The following IL12RB1 variants were observed in gnomAD, a reference collection of about 807,000 sequenced individuals.
IL12RB1 encodes interleukin-12 receptor subunit beta-1.
In IL12RB1, 64 loss-of-function variants were observed where a neutral mutation model predicts 94.4. That is an observed-to-expected ratio of 0.68 (90% CI 0.55 to 0.83). IL12RB1 has a LOEUF of 0.83. Among genes scored for constraint, IL12RB1 ranks in the 40% least tolerant of loss-of-function variants. The pLI, the probability that IL12RB1 is intolerant of heterozygous loss-of-function variation, is 0.00. For synonymous variants in IL12RB1, 362 were observed against 355.5 expected (o/e 1.02, Z -0.21); for missense variants, 814 against 855.6 (o/e 0.95, Z 0.61).
At chr19:18,062,361 T>C in intron 13 of IL12RB1, 84 bp from the exon 14 acceptor site, 1 of 791,934 alleles carries the variant, frequency 1.3e-6, no homozygotes, top group Non-Finnish European at 2.1e-6. Flanking sequence ...GGTTTCTCCA[T>C]GAACTTGCTG....
upstream of IL12RB1, chr19:18,086,953 A>C (rs1404324800): frequency 1.9e-6 from 3 of 1,543,262 alleles, no homozygotes; most frequent in African/African-American, 2.7e-5. Flanking sequence ...AGAAAAAAGA[A>C]AAAAAGTAAA....
intron 1 of IL12RB1, among the ~76,000 whole-genome samples, chr19:18,085,260 A>T (rs2036249339): frequency 6.6e-6 from 1 of 152,042 alleles, no homozygotes; most frequent in Non-Finnish European, 1.5e-5. Flanking sequence ...CAAGTGTCCA[A>T]CCTTGAGGGG....
chr19:18,080,851 G>A lies in IL12RB1; in HGVS notation c.390C>T (p.Thr130=), dbSNP rs201723337. The change falls in exon 4 of 17, where the codon ACC becomes ACT. Residue 130 remains threonine (T), a synonymous_variant. Transcript: ENST00000593993. The part of the protein sequence containing the change: ...RNQTEKSPEV[T]LQLYNSVKYE... ...GCTAACCTGAGTTGTAGAGCTGCAG[G>A]GTCACCTCAGGAGACTTCTCTGTCT... The A allele has an allele frequency of 4.4e-4, 715 of 1,609,316 alleles. 1 individual carries two copies. The highest frequency in any genetic ancestry group is 5.9e-4 in the Non-Finnish European group (692 of 1,175,766).
At chr19:18,074,023 C>T (rs915768886) in intron 7 of IL12RB1, among the ~76,000 whole-genome samples, 6 of 152,162 alleles carry the variant, frequency 3.9e-5, no homozygotes, top group African/African-American at 1.4e-4. Context: ...CGGGGTTTCA[C>T]CATGTTGGTC....
Position 18,063,900 on chromosome 19 carries a change from T to A in IL12RB1, c.1594A>T (p.Ser532Cys), listed in dbSNP as rs771540567. The stretch of plus-strand genomic sequence containing the variant: ...CCGATGCTGAAGCGCTGGGGCTGGC[T>A]CCAGACACCCCTCAGCCACGCTGTG... ...ADTAWLRGVW[S>C]QPQRFSIEVQ... The change falls in exon 13 of 17, where the codon AGC becomes TGC. Residue 532 changes from serine (S) to cysteine (C), a missense_variant. Ser to Cys is a moderately radical substitution (Grantham distance 112). Coordinates refer to ENST00000593993, the MANE Select transcript of IL12RB1 (RefSeq NM_005535.3). 2.5e-6 allele frequency: 4 copies of A among 1,613,414 alleles called. No homozygotes were observed. In the South Asian group the frequency reaches 4.4e-5, roughly 18 times the overall value.
intron 12 of IL12RB1, 122 bp downstream of exon 12, chr19:18,066,420 T>A: frequency 1.4e-6 from 1 of 701,104 alleles, no homozygotes; most frequent in Non-Finnish European, 2.5e-6. Context: ...TCTCTTGTTT[T>A]AAGGGTTTGA....
chr19:18,098,011 G>A (rs1017552680), intron 1 of IL12RB1, among the ~76,000 whole-genome samples: 1 of 152,132 alleles, frequency 6.6e-6, no homozygotes, highest in Non-Finnish European at 1.5e-5. Flanking sequence ...CTCATGGTGG[G>A]AAGGGGGAAG....
upstream of IL12RB1, chr19:18,091,628 A>T (rs889537813): frequency 6.6e-6 from 1 of 152,228 alleles, no homozygotes; most frequent in African/African-American, 2.4e-5. Flanking sequence ...GGCATCACTC[A>T]TCAACAAGAA....
At chr19:18,083,356 T>C (rs913973125) in intron 2 of IL12RB1, 76 bp downstream of exon 2, 1 of 1,391,470 alleles carries the variant, frequency 7.2e-7, no homozygotes, top group Non-Finnish European at 1.0e-6. Flanking sequence ...GTGGAGGCCA[T>C]GGGAGGGGCC....
chr19:18,073,893 C>T (rs147186912), intron 7 of IL12RB1, among the ~76,000 whole-genome samples: 7 of 152,200 alleles, frequency 4.6e-5, no homozygotes, highest in African/African-American at 1.2e-4. Context: ...GGTGCGATCT[C>T]GGCTCACTGC....
At chr19:18,077,841 C>T (rs527897759) in intron 4 of IL12RB1, among the ~76,000 whole-genome samples, 186 bp from the exon 5 acceptor site, 110 of 152,288 alleles carry the variant, frequency 7.2e-4, no homozygotes, top group African/African-American at 2.6e-3. Context: ...AAGCCACATA[C>T]GGTGGCTCAC....
intron 15 of IL12RB1, among the ~76,000 whole-genome samples, chr19:18,060,345 T>G (rs2034031583): frequency 6.6e-6 from 1 of 152,022 alleles, no homozygotes; most frequent in Non-Finnish European, 1.5e-5. Context: ...TGAGCTTGGT[T>G]GCGCACGCCT....
intron 1 of IL12RB1, among the ~76,000 whole-genome samples, chr19:18,093,874 T>C (rs1311771982): frequency 2.6e-5 from 4 of 152,108 alleles, no homozygotes; most frequent in African/African-American, 7.2e-5. Flanking sequence ...CCCACCCCCA[T>C]TGACTTCTGC....
intron 1 of IL12RB1, among the ~76,000 whole-genome samples, chr19:18,095,421 G>C (rs1009567331): frequency 6.6e-6 from 1 of 152,184 alleles, no homozygotes; most frequent in African/African-American, 2.4e-5. Context: ...AACGAAGCCA[G>C]ACACATAAGG....
At chr19:18,098,599 C>T (rs990737192) in intron 1 of IL12RB1, among the ~76,000 whole-genome samples, 67 of 152,128 alleles carry the variant, frequency 4.4e-4, no homozygotes, top group African/African-American at 1.4e-3. Flanking sequence ...TACATGACCC[C>T]GGGCAGCCAC....
chr19:18,086,583 G>A (rs76394133), intron 1 of IL12RB1, among the ~76,000 whole-genome samples, 177 bp downstream of exon 1: 145 of 152,174 alleles, frequency 9.5e-4, no homozygotes, highest in African/African-American at 3.4e-3. Flanking sequence ...CTAGACCAGA[G>A]GAAAGATGTC....
chr19:18,086,454 G>A lies in IL12RB1; in HGVS notation c.64+306C>T, dbSNP rs79034811. Among the ~76,000 whole-genome samples the A allele has an allele frequency of 3.4e-3, 518 of 152,098 alleles. 17 individuals carry two copies. The East Asian group carries it at 0.067, about 20-fold the overall frequency. ...TATCTATTGTAAACTACATACATAA[G>A]ATACTATACTATGTATACCTATTAG... On this transcript the variant is annotated intron_variant, in intron 1 of 16. Transcript: ENST00000593993.
upstream of IL12RB1, among the ~76,000 whole-genome samples, chr19:18,087,244 C>T (rs1011724207): frequency 6.7e-6 from 1 of 149,926 alleles, no homozygotes; most frequent in African/African-American, 2.5e-5. Flanking sequence ...GAGCCCTGCT[C>T]TGTCGCCCGG....
At chr19:18,073,426 C>T (rs2035221894) in intron 8 of IL12RB1, 91 bp downstream of exon 8, 2 of 814,004 alleles carry the variant, frequency 2.5e-6, no homozygotes, top group Admixed American at 3.5e-5. Flanking sequence ...TCTCATCTCC[C>T]TCCATCTACC....
Sources: allele counts gnomAD v4.1 joint callset (sites outside exome capture counted in the v4.1 genomes callset), GRCh38; gene constraint gnomAD v4.1.1; transcripts MANE v1.5; gene names NCBI Gene and HGNC (gene_info 2026-07-23, HGNC 2026-07-21).